Variants in GPR84 observed in about 807,000 individuals in gnomAD.
GPR84 encodes G protein-coupled receptor 84, also known as G-protein coupled receptor 84.
A neutral mutation model predicts 14.9 loss-of-function variants in GPR84; 8 were observed. That is an observed-to-expected ratio of 0.54 (90% CI 0.31 to 0.97). The LOEUF is 0.97. Ranked by LOEUF, GPR84 falls within the 50% of genes least tolerant of loss-of-function variation. The probability of loss-of-function intolerance (pLI) is 0.04; values close to 1 mark genes in which losing one functional copy is unlikely to be tolerated. For missense variants in GPR84, 424 were observed against 498.7 expected (o/e 0.85, Z 1.43); for synonymous variants, 164 against 198.1 (o/e 0.83, Z 1.45).
the GPR84 span, among the ~76,000 whole-genome samples, chr12:54,352,026 C>T: frequency 1.3e-5 from 2 of 152,122 alleles, no homozygotes; most frequent in African/African-American, 4.8e-5. Context: ...CTCTCCGTCC[C>T]CTCGCCTGGA....
At chr12:54,353,506 G>A in the GPR84 span, among the ~76,000 whole-genome samples, 470 of 151,280 alleles carry the variant, frequency 3.1e-3, 20 homozygotes, top group East Asian at 0.085. Flanking sequence ...CCCCAACAGG[G>A]TGATTTACTG....
chr12:54,355,642 C>A, the GPR84 span, among the ~76,000 whole-genome samples: 1 of 151,914 alleles, frequency 6.6e-6, no homozygotes, highest in African/African-American at 2.4e-5. Flanking sequence ...TCCTGTCTAT[C>A]TTCTCCCCAT....
the GPR84 span, among the ~76,000 whole-genome samples, chr12:54,356,116 C>G: frequency 6.6e-6 from 1 of 152,108 alleles, no homozygotes; most frequent in African/African-American, 2.4e-5. Context: ...CCTAATACTG[C>G]AACAGATGAG....
downstream of GPR84, among the ~76,000 whole-genome samples, chr12:54,361,185 C>CTT (rs10630823): frequency 0.037 from 5,442 of 148,156 alleles, 372 homozygotes; most frequent in African/African-American, 0.13. The surrounding 1 kb of genome is among the most constrained non-coding windows in gnomAD (Gnocchi z 4.3). Context: ...TTTTTCTTTT[C>CTT]TTTTTTTTTT....
rs1249104475 is a variant in GPR84, at chr12:54,363,272, C to T, written c.580G>A (p.Val194Ile). ...GIYFVLGLSS[V>I]GIFYCLIHRQ... The stretch of plus-strand genomic sequence containing the variant: ...TGGATGAGGCAATAGAAGATGCCAA[C>T]ACTGCTGAGCCCAAGCACAAAGTAG... The change falls in exon 2 of 2, where the codon GTT becomes ATT. Residue 194 changes from valine to isoleucine, a missense_variant. Coordinates refer to ENST00000267015, the MANE Select transcript of GPR84 (RefSeq NM_020370.3). The T allele has an allele frequency of 6.2e-7, 1 of 1,614,158 alleles. No individual in the cohort carries two copies. The highest frequency in any genetic ancestry group is 1.7e-5 in the Admixed American group (1 of 60,024).
chr12:54,356,119 C>G, the GPR84 span, among the ~76,000 whole-genome samples: 8 of 152,176 alleles, frequency 5.3e-5, no homozygotes, highest in South Asian at 2.1e-4. Flanking sequence ...AATACTGCAA[C>G]AGATGAGAGG....
the GPR84 span, among the ~76,000 whole-genome samples, chr12:54,352,494 C>T: frequency 1.3e-5 from 2 of 152,284 alleles, no homozygotes; most frequent in East Asian, 3.9e-4. Flanking sequence ...TTCTTTCCCC[C>T]TTCCTCTGCA....
chr12:54,356,888 G>A, the GPR84 span, among the ~76,000 whole-genome samples: 1 of 152,222 alleles, frequency 6.6e-6, no homozygotes, highest in African/African-American at 2.4e-5. Flanking sequence ...TGGATTGCAA[G>A]AGAATGGGAG....
Position 54,363,344 on chromosome 12 carries a change from A to T in GPR84, c.508T>A (p.Phe170Ile), listed in dbSNP as rs749058514. 1 of 1,614,176 alleles carries T rather than the reference A, an allele frequency of 6.2e-7. No homozygotes were observed. The highest frequency in any genetic ancestry group is 8.5e-7 in the Non-Finnish European group (1 of 1,180,020). The change falls in exon 2 of 2, where the codon TTT (phenylalanine) becomes ATT (isoleucine). Residue 170 changes from phenylalanine (F) to isoleucine (I), a missense_variant. Transcript: ENST00000267015. ...TAAGGCCGGCCTCGGATGCGGTCAAAGCTGCAGGTGCAGACTACAGGTACC... is the reference window on the plus strand; with the variant it reads ...TAAGGCCGGCCTCGGATGCGGTCAATGCTGCAGGTGCAGACTACAGGTACC... ...ILVPVVCTCSFDRIRGRPYTT... is the reference protein window; with the variant it reads ...ILVPVVCTCSIDRIRGRPYTT...
chr12:54,362,795 T>C lies in GPR84; in HGVS notation c.1057A>G (p.Met353Val). 1 of 1,614,156 alleles carries C rather than the reference T, an allele frequency of 6.2e-7. No individual in the cohort carries two copies. Among genetic ancestry groups the C allele is most frequent in the Non-Finnish European group, 8.5e-7 (1 of 1,180,018 alleles). ...AGCCAGGTGAGGTTGGCAGCAAGCA[T>C]GTGGACCACCCGGGGAGCCTGGACT... ...ARVQAPRVVH[M>V]LAANLTWLNG... The change falls in exon 2 of 2, where the codon ATG becomes GTG. Residue 353 changes from methionine to valine, a missense_variant. Met to Val is a conservative substitution (Grantham distance 21). Transcript: ENST00000267015. The surrounding 1 kb of genome is among the most constrained non-coding windows in gnomAD (Gnocchi z 4.0).
At chr12:54,359,144 G>A (rs1954241089), downstream of GPR84, among the ~76,000 whole-genome samples, 1 of 151,976 alleles carries the variant, frequency 6.6e-6, no homozygotes, top group Non-Finnish European at 1.5e-5. Flanking sequence ...GCGGGAAGGG[G>A]AGGGGAGGGG....
At chr12:54,356,907 A>C in the GPR84 span, among the ~76,000 whole-genome samples, 2 of 152,330 alleles carry the variant, frequency 1.3e-5, no homozygotes, top group African/African-American at 4.8e-5. Flanking sequence ...AGAGGACAAA[A>C]GAATTGGGTG....
chr12:54,362,634 T>G lies in GPR84; in HGVS notation c.*27A>C. ...ACTTTGGTCCTGGAGGAGACAGTCC[T>G]GAATTCTGGTGACTAGGGTCACAGT... On this transcript the variant is annotated 3_prime_UTR_variant, in exon 2 of 2. Coordinates refer to ENST00000267015, the MANE Select transcript of GPR84 (RefSeq NM_020370.3). The surrounding 1 kb of genome is among the most constrained non-coding windows in gnomAD (Gnocchi z 4.0). 6.7e-7 allele frequency: 1 copy of G among 1,487,514 alleles called. No individual in the cohort carries two copies. Among genetic ancestry groups the G allele is most frequent in the South Asian group, 1.2e-5 (1 of 83,476 alleles). The allele number at this position is 1,487,514 out of a possible 1,614,324, so 92.1% of individuals were successfully genotyped here.
rs78645643 is a variant in GPR84, at chr12:54,363,013, C to T, written c.839G>A (p.Ser280Asn). The change falls in exon 2 of 2, where the codon AGC becomes AAC. Residue 280 changes from serine (S) to asparagine (N), a missense_variant. Transcript: ENST00000267015. Reference sequence around the variant, plus strand: ...CTCTGCCATCTGCTTAGCTCTCTTGCTGTTGATCTGGTCTCCCACTTCTGA... The same window carrying T: ...CTCTGCCATCTGCTTAGCTCTCTTGTTGTTGATCTGGTCTCCCACTTCTGA... ...DSSEVGDQIN[S>N]KRAKQMAEKS... is the part of the protein sequence containing the mutation. 4.0e-4 allele frequency: 647 copies of T among 1,614,186 alleles called. No individual in the cohort carries two copies. The African/African-American group carries it at 7.8e-3, about 19-fold the overall frequency.
At chr12:54,359,349 C>T (rs556003516), downstream of GPR84, among the ~76,000 whole-genome samples, 7 of 150,400 alleles carry the variant, frequency 4.7e-5, no homozygotes, top group South Asian at 1.1e-3. Context: ...GACCATAAAT[C>T]TGCCTGTAAG....
chr12:54,355,292 C>T, the GPR84 span, among the ~76,000 whole-genome samples: 5 of 151,300 alleles, frequency 3.3e-5, no homozygotes, highest in East Asian at 3.9e-4. Flanking sequence ...CCTGGCTCTC[C>T]GGGGCTCCCT....
At chr12:54,351,983 C>G in the GPR84 span, 1 of 152,136 alleles carries the variant, frequency 6.6e-6, no homozygotes, top group Non-Finnish European at 1.5e-5. Context: ...CCCCCCCATC[C>G]CTAATTTACG....
At chr12:54,350,866 T>G in the GPR84 span, 4 of 313,252 alleles carry the variant, frequency 1.3e-5, no homozygotes, top group Admixed American at 4.2e-5. Context: ...CAGATTAAAG[T>G]AGGAGAAAGA....
At chr12:54,359,691 G>C (rs148093307), downstream of GPR84, among the ~76,000 whole-genome samples, 1 of 152,262 alleles carries the variant, frequency 6.6e-6, no homozygotes, top group Non-Finnish European at 1.5e-5. Context: ...CACATCCCGA[G>C]ACACGCATGA....
Sources: gnomAD v4.1 joint callset for allele counts (sites outside exome capture counted in the v4.1 genomes callset) on GRCh38, gnomAD v4.1.1 for gene constraint, Gnocchi (gnomAD v3.1) non-coding constraint, MANE v1.5 for transcripts, NCBI Gene and HGNC (gene_info 2026-07-23, HGNC 2026-07-21) for gene names.